KCNJ6: variants seen among roughly 807,000 people sequenced by gnomAD.
KCNJ6 encodes the protein potassium inwardly rectifying channel subfamily J member 6.
KCNJ6 carries 9 observed loss-of-function variants against 34.2 expected under a neutral mutation model. That is an observed-to-expected ratio of 0.26 (90% confidence interval 0.16 to 0.46). KCNJ6 has a LOEUF of 0.46. KCNJ6 is among the 20% of genes least tolerant of loss of function. The probability of loss-of-function intolerance (pLI) is 1.00; values close to 1 mark genes in which losing one functional copy is unlikely to be tolerated. For missense variants in KCNJ6, 236 were observed against 531.3 expected (o/e 0.44, Z 5.46); for synonymous variants, 196 against 207.1 (o/e 0.95, Z 0.46).
chr21:37,709,572 T>G (rs1033490341), intron 3 of KCNJ6, among the ~76,000 whole-genome samples: 2 of 152,166 alleles, frequency 1.3e-5, no homozygotes, highest in African/African-American at 4.8e-5. Context: ...TGCATTTCTC[T>G]GCCGAATCAT....
intron 2 of KCNJ6, among the ~76,000 whole-genome samples, chr21:37,833,872 C>G (rs957472791): frequency 1.2e-4 from 18 of 152,138 alleles, no homozygotes; most frequent in Non-Finnish European, 2.9e-5. Context: ...ACCCTAAACT[C>G]AATATATTTG....
chr21:37,750,336 C>A (rs566596924), intron 2 of KCNJ6, among the ~76,000 whole-genome samples: 1 of 152,258 alleles, frequency 6.6e-6, no homozygotes, highest in South Asian at 2.1e-4. Context: ...CCTCAAAGAT[C>A]TAGAACTAGA....
At chr21:37,676,473 C>T (rs2054565303) in intron 3 of KCNJ6, among the ~76,000 whole-genome samples, 1 of 152,222 alleles carries the variant, frequency 6.6e-6, no homozygotes, top group Non-Finnish European at 1.5e-5. Flanking sequence ...CAGCCCAGTG[C>T]CTTGTGGAAG....
chr21:37,658,298 C>T (rs1302961884), intron 3 of KCNJ6, among the ~76,000 whole-genome samples: 1 of 152,212 alleles, frequency 6.6e-6, no homozygotes, highest in Non-Finnish European at 1.5e-5. Flanking sequence ...CATGACATTG[C>T]GATTTAGCTT....
intron 2 of KCNJ6, among the ~76,000 whole-genome samples, chr21:37,744,324 A>T (rs768063082): frequency 3.0e-4 from 46 of 152,044 alleles, no homozygotes; most frequent in Admixed American, 6.6e-4. Context: ...ATAATAAAAT[A>T]AAAAAAATGG....
chr21:37,718,662 G>T (rs1023021148), intron 2 of KCNJ6, among the ~76,000 whole-genome samples: 15 of 151,470 alleles, frequency 9.9e-5, no homozygotes, highest in Non-Finnish European at 1.8e-4. Context: ...ACCGGTGCCT[G>T]TTAGGGGGTG....
Position 37,615,129 on chromosome 21 carries a change from C to G in KCNJ6, c.*10030G>C, listed in dbSNP as rs1365592458. ...AGACACAGCAAGCTGACCAGGTAAA[C>G]TATGGACCCTGGGATCTTGTTAGGC... On this transcript the variant is annotated 3_prime_UTR_variant, in exon 4 of 4. Coordinates refer to ENST00000609713, the MANE Select transcript of KCNJ6 (RefSeq NM_002240.5). 1 of 152,020 alleles carries G rather than the reference C, an allele frequency of 6.6e-6. No individual in the cohort carries two copies. The highest frequency in any genetic ancestry group is 1.5e-5 in the Non-Finnish European group (1 of 68,050). The allele number at this position is 152,020 out of a possible 1,614,324, so 9.4% of individuals were successfully genotyped here.
chr21:37,855,957 G>T (rs935623749), intron 1 of KCNJ6, among the ~76,000 whole-genome samples: 2 of 152,192 alleles, frequency 1.3e-5, no homozygotes, highest in African/African-American at 4.8e-5. Flanking sequence ...CAGCCTCCCT[G>T]TCCCAGAGCA....
chr21:37,814,167 A>G (rs2055335249), intron 2 of KCNJ6, among the ~76,000 whole-genome samples: 1 of 152,256 alleles, frequency 6.6e-6, no homozygotes, highest in Non-Finnish European at 1.5e-5. Flanking sequence ...GCTCAACATC[A>G]TTGATCATCA....
intron 2 of KCNJ6, among the ~76,000 whole-genome samples, chr21:37,722,217 A>G (rs528528313): frequency 1.3e-5 from 2 of 152,296 alleles, no homozygotes; most frequent in East Asian, 3.9e-4. Context: ...CAAAAATAAA[A>G]CACCTAGGAA....
At chr21:37,855,682 GT>G (rs1272891400) in intron 1 of KCNJ6, among the ~76,000 whole-genome samples, 13 of 152,234 alleles carry the variant, frequency 8.5e-5, no homozygotes, top group African/African-American at 3.1e-4. Flanking sequence ...CCGGGGACCA[GT>G]CATTGCAGAA....
At chr21:37,902,438 C>T (rs2055821426) in intron 1 of KCNJ6, among the ~76,000 whole-genome samples, 1 of 152,178 alleles carries the variant, frequency 6.6e-6, no homozygotes, top group Non-Finnish European at 1.5e-5. Context: ...AGTGGGTCCT[C>T]ACAGCATTCA....
chr21:37,821,846 C>T (rs1007807494), intron 2 of KCNJ6, among the ~76,000 whole-genome samples: 1 of 152,160 alleles, frequency 6.6e-6, no homozygotes, highest in African/African-American at 2.4e-5. Flanking sequence ...ACAGCAAATC[C>T]TAGTAAATGC....
At chr21:37,727,225 TAA>T (rs942257357) in intron 2 of KCNJ6, among the ~76,000 whole-genome samples, 2 of 152,232 alleles carry the variant, frequency 1.3e-5, no homozygotes, top group Non-Finnish European at 2.9e-5. Flanking sequence ...TATGAGAGGA[TAA>T]GTCTCTTTTG....
chr21:37,689,289 T>G (rs1315147285), intron 3 of KCNJ6, among the ~76,000 whole-genome samples: 1 of 29,610 alleles, frequency 3.4e-5, no homozygotes, highest in Admixed American at 4.7e-4. Flanking sequence ...CTAATTGCTC[T>G]GCAATCACTT....
chr21:37,838,703 C>A (rs2836014), intron 2 of KCNJ6, among the ~76,000 whole-genome samples: 31,624 of 152,192 alleles, frequency 0.21, 3,480 homozygotes, highest in South Asian at 0.29. Flanking sequence ...TCTTTCATTC[C>A]AGGTCTGAGA....
At chr21:37,732,204 CAGAG>C (rs1435567597) in intron 2 of KCNJ6, among the ~76,000 whole-genome samples, 2 of 152,120 alleles carry the variant, frequency 1.3e-5, no homozygotes, top group Non-Finnish European at 2.9e-5. Flanking sequence ...GCGTTGCCCT[CAGAG>C]AGAAGATGGG....
Position 37,615,762 on chromosome 21 carries a change from C to T in KCNJ6, c.*9397G>A, listed in dbSNP as rs1261463034. 1.3e-5 allele frequency: 2 copies of T among 152,106 alleles called. No individual in the cohort carries two copies. Among genetic ancestry groups the T allele is most frequent in the African/African-American group, 2.4e-5 (1 of 41,406 alleles). The allele number at this position is 152,106 out of a possible 1,614,324, so 9.4% of individuals were successfully genotyped here. A position where few individuals can be genotyped will look rare whatever the true frequency, so the allele number is the denominator to read the frequency against. ...TATTAAAACACTCCCTGTTCTGGAC[C>T]AATCTTAATCTTCTAGGCAGAATTT... is the stretch of plus-strand genomic sequence containing the variant. On this transcript the variant is annotated 3_prime_UTR_variant, in exon 4 of 4. Coordinates refer to ENST00000609713, the MANE Select transcript of KCNJ6 (RefSeq NM_002240.5).
intron 1 of KCNJ6, among the ~76,000 whole-genome samples, chr21:37,865,287 A>G (rs1186263075): frequency 6.6e-6 from 1 of 152,244 alleles, no homozygotes. Flanking sequence ...ACTTCACTTG[A>G]TACGAAAAAC....
Sources: allele counts gnomAD v4.1 joint callset (sites outside exome capture counted in the v4.1 genomes callset), GRCh38; gene constraint gnomAD v4.1.1; transcripts MANE v1.5; gene names NCBI Gene and HGNC (gene_info 2026-07-23, HGNC 2026-07-21).